The following ANKRD44 variants were observed in gnomAD, a reference collection of about 807,000 sequenced individuals.
The protein encoded by ANKRD44 is ankyrin repeat domain 44.
Under a neutral mutation model 116.0 loss-of-function variants are expected in ANKRD44, and 35 were observed. That is an observed-to-expected ratio of 0.30 (90% confidence interval 0.23 to 0.40). The LOEUF (loss-of-function observed/expected upper bound fraction) is 0.40. Among genes scored for constraint, ANKRD44 ranks in the 10% least tolerant of loss-of-function variants. The probability of loss-of-function intolerance (pLI) is 1.00; values close to 1 mark genes in which losing one functional copy is unlikely to be tolerated. For missense variants in ANKRD44, 1,014 were observed against 1,242.6 expected (o/e 0.82, Z 2.77); for synonymous variants, 435 against 461.8 (o/e 0.94, Z 0.74).
At chr2:197,281,359 C>G (rs1024500310) in intron 1 of ANKRD44, among the ~76,000 whole-genome samples, 2 of 152,038 alleles carry the variant, frequency 1.3e-5, no homozygotes, top group Non-Finnish European at 2.9e-5. Flanking sequence ...CCATCACCAA[C>G]AAGCTTTAGT....
chr2:197,099,559 C>T (rs915426480), intron 10 of ANKRD44: 51 of 1,176,214 alleles, frequency 4.3e-5, no homozygotes, highest in Non-Finnish European at 5.3e-5. Context: ...AGAAAAGTTA[C>T]GAATAAAGTT....
intron 27 of ANKRD44, 127 bp downstream of exon 27, chr2:196,993,456 C>A: frequency 1.4e-6 from 1 of 737,498 alleles, no homozygotes; most frequent in Non-Finnish European, 2.3e-6. Flanking sequence ...ATTTCTCACA[C>A]ACAGGACTTC....
chr2:197,123,408 G>C (rs901511467), intron 6 of ANKRD44, among the ~76,000 whole-genome samples: 1 of 152,106 alleles, frequency 6.6e-6, no homozygotes, highest in African/African-American at 2.4e-5. Flanking sequence ...ATTTTACTCT[G>C]TTCCATAATT....
intron 1 of ANKRD44, among the ~76,000 whole-genome samples, chr2:197,232,635 T>C (rs2081890760): frequency 6.6e-6 from 1 of 152,196 alleles, no homozygotes; most frequent in Non-Finnish European, 1.5e-5. Context: ...TTGTGGGAGA[T>C]GACTGTCAGC....
intron 13 of ANKRD44, among the ~76,000 whole-genome samples, chr2:197,084,533 G>A (rs1372301938): frequency 1.3e-5 from 2 of 152,142 alleles, no homozygotes; most frequent in East Asian, 1.9e-4. Flanking sequence ...TGCAGAATCC[G>A]AATCCAAATC....
chr2:197,230,069 G>A lies in ANKRD44; in HGVS notation c.28-42963C>T, dbSNP rs78061748. On this transcript the variant is annotated intron_variant, in intron 1 of 27. Transcript: ENST00000282272. ...AGACGGAATGATGGTTGTCTTGGAA[G>A]GTGGGATAGAGGTGTGCAATGCAGC... Among the ~76,000 whole-genome samples the A allele has an allele frequency of 6.6e-5, 10 of 152,064 alleles. No homozygotes were observed. The East Asian group carries it at 1.9e-3, about 29-fold the overall frequency.
chr2:197,027,569 G>T (rs942858034), intron 16 of ANKRD44, among the ~76,000 whole-genome samples: 1 of 151,822 alleles, frequency 6.6e-6, no homozygotes, highest in South Asian at 2.1e-4. Flanking sequence ...TGAGCTAGAA[G>T]GAAAACAAGG....
At chr2:197,011,972 A>T (rs1319235617) in intron 18 of ANKRD44, among the ~76,000 whole-genome samples, 6 of 152,158 alleles carry the variant, frequency 3.9e-5, no homozygotes, top group African/African-American at 1.4e-4. Flanking sequence ...CACACGACTC[A>T]AAGACTACAA....
chr2:197,043,409 T>A (rs2076947224), intron 16 of ANKRD44, among the ~76,000 whole-genome samples: 1 of 152,170 alleles, frequency 6.6e-6, no homozygotes, highest in Admixed American at 6.5e-5. Flanking sequence ...GGTCTCACTA[T>A]GTTGCCCAGG....
At chr2:197,271,447 G>A (rs1176882833) in intron 1 of ANKRD44, among the ~76,000 whole-genome samples, 1 of 152,158 alleles carries the variant, frequency 6.6e-6, no homozygotes, top group African/African-American at 2.4e-5. Context: ...ACAGAACTGT[G>A]AGCAATAAAT....
At chr2:197,192,068 G>A (rs1156915314) in intron 1 of ANKRD44, among the ~76,000 whole-genome samples, 1 of 152,084 alleles carries the variant, frequency 6.6e-6, no homozygotes, top group African/African-American at 2.4e-5. Context: ...CACTCCATCC[G>A]GCTATGAAGT....
At chr2:197,078,502 T>TG in intron 16 of ANKRD44, 2 of 1,378,552 alleles carry the variant, frequency 1.5e-6, no homozygotes, top group Non-Finnish European at 1.9e-6. Context: ...TGGGTGGTGG[T>TG]GGGGCTCTAA....
rs2081517611 is a variant in ANKRD44, at chr2:197,218,888, T to C, written c.28-31782A>G. On this transcript the variant is annotated intron_variant, in intron 1 of 27. Transcript: ENST00000282272. ...AATTCTCCTGCCTCAGCCTCCCAAG[T>C]AGCTGGTATTACAGGCACCCACCAC... is the stretch of plus-strand genomic sequence containing the variant. 1.3e-5 allele frequency among the ~76,000 whole-genome samples: 2 copies of C among 149,744 alleles called. 1 individual carries two copies. The highest frequency in any genetic ancestry group is 4.2e-4 in the South Asian group (2 of 4,728).
chr2:197,021,659 A>T (rs1249357979), intron 17 of ANKRD44, among the ~76,000 whole-genome samples: 2 of 152,088 alleles, frequency 1.3e-5, no homozygotes, highest in Non-Finnish European at 2.9e-5. Context: ...TTGATTTTTA[A>T]ACTAATTTCT....
At chr2:197,254,486 G>A (rs2105685123) in intron 1 of ANKRD44, among the ~76,000 whole-genome samples, 1 of 152,180 alleles carries the variant, frequency 6.6e-6, no homozygotes, top group South Asian at 2.1e-4. Flanking sequence ...AACAGCGGAG[G>A]AGCATCTCTT....
At chr2:196,999,090 A>G (rs1288045366) in intron 23 of ANKRD44, 38 bp from the exon 24 acceptor site, 1 of 1,607,630 alleles carries the variant, frequency 6.2e-7, no homozygotes. Flanking sequence ...AGTTTCCTTT[A>G]AACTTTATTC....
At chr2:197,294,302 C>T (rs930632432) in intron 1 of ANKRD44, among the ~76,000 whole-genome samples, 10 of 152,238 alleles carry the variant, frequency 6.6e-5, no homozygotes, top group South Asian at 2.1e-4. Context: ...TCAGTCAACA[C>T]GTGTCATCTT....
chr2:197,000,317 A>T (rs2076091720), intron 23 of ANKRD44, 102 bp downstream of exon 23: 2 of 882,170 alleles, frequency 2.3e-6, no homozygotes, highest in Non-Finnish European at 3.6e-6. Context: ...ATGCTTATCC[A>T]TTATTCTTTC....
intron 16 of ANKRD44, among the ~76,000 whole-genome samples, chr2:197,028,107 T>C (rs1478044076): frequency 2.0e-5 from 3 of 152,182 alleles, no homozygotes; most frequent in Non-Finnish European, 4.4e-5. Flanking sequence ...ATTAAGACAT[T>C]GTTTATGTGA....
Sources: allele counts gnomAD v4.1 joint callset (sites outside exome capture counted in the v4.1 genomes callset), GRCh38; gene constraint gnomAD v4.1.1; transcripts MANE v1.5; gene names NCBI Gene and HGNC (gene_info 2026-07-23, HGNC 2026-07-21).